ARL15: variants seen among roughly 807,000 people sequenced by gnomAD.
The protein encoded by ARL15 is ARF like GTPase 15, also known as ADP-ribosylation factor-like protein 15.
ARL15 carries 19 observed loss-of-function variants against 25.2 expected under a neutral mutation model. The ratio of observed to expected loss-of-function variants is 0.75; its 90% CI spans 0.53 to 1.10. ARL15 has a LOEUF of 1.10. Ranked by LOEUF, ARL15 falls within the 50% of genes least tolerant of loss-of-function variation. The probability of loss-of-function intolerance (pLI) is 0.00; values close to 1 mark genes in which losing one functional copy is unlikely to be tolerated. For missense variants in ARL15, 220 were observed against 246.0 expected, an observed-to-expected ratio of 0.89 and a Z score of 0.71; for synonymous variants, 94 against 86.8, an observed-to-expected ratio of 1.08 and a Z score of -0.46.
chr5:54,296,229 G>T (rs1001424042), intron 1 of ARL15, among the ~76,000 whole-genome samples: 8 of 152,166 alleles, frequency 5.3e-5, no homozygotes, highest in Admixed American at 4.6e-4. Flanking sequence ...AAAATGAATC[G>T]AAATGGAGCA....
intron 4 of ARL15, among the ~76,000 whole-genome samples, chr5:54,021,350 A>T (rs1749595126): frequency 6.6e-6 from 1 of 152,218 alleles, no homozygotes; most frequent in African/African-American, 2.4e-5. Context: ...AACATAAACA[A>T]AAACAAAAAA....
chr5:54,308,758 T>C (rs1758822711), intron 1 of ARL15, among the ~76,000 whole-genome samples: 1 of 152,238 alleles, frequency 6.6e-6, no homozygotes. Flanking sequence ...TTTTGATAGG[T>C]TTGGCACCTC....
intron 1 of ARL15, among the ~76,000 whole-genome samples, chr5:54,215,606 CTAAG>C (rs1394415889): frequency 8.5e-6 from 1 of 117,264 alleles, no homozygotes; most frequent in Non-Finnish European, 1.8e-5. Flanking sequence ...GCGACTCAAG[CTAAG>C]TGCGCGAAGG....
chr5:54,050,791 C>A (rs1238426169), intron 4 of ARL15, among the ~76,000 whole-genome samples: 1 of 152,174 alleles, frequency 6.6e-6, no homozygotes, highest in African/African-American at 2.4e-5. Context: ...CTGTTCCCTT[C>A]TCTCTATTCC....
intron 4 of ARL15, among the ~76,000 whole-genome samples, chr5:53,923,285 C>T (rs1745913835): frequency 6.6e-6 from 1 of 152,182 alleles, no homozygotes; most frequent in African/African-American, 2.4e-5. Context: ...CAACTTGAAA[C>T]ACAAGTTTGT....
chr5:54,085,892 C>T (rs1174721236), intron 4 of ARL15, among the ~76,000 whole-genome samples: 1 of 151,164 alleles, frequency 6.6e-6, no homozygotes, highest in Non-Finnish European at 1.5e-5. Context: ...CCTAAGCGTC[C>T]CATGGCTCCA....
intron 1 of ARL15, among the ~76,000 whole-genome samples, chr5:54,196,713 C>T (rs1755560676): frequency 6.6e-6 from 1 of 151,958 alleles, no homozygotes; most frequent in Non-Finnish European, 1.5e-5. Flanking sequence ...AGTGCTCTTT[C>T]TTCATTATTC....
intron 4 of ARL15, among the ~76,000 whole-genome samples, chr5:54,004,337 A>G (rs1419499225): frequency 6.6e-6 from 1 of 152,068 alleles, no homozygotes. Flanking sequence ...TATTAAAAAT[A>G]CAAAAATTAG....
chr5:54,256,193 G>T (rs1561285083), intron 1 of ARL15, among the ~76,000 whole-genome samples: 2 of 151,720 alleles, frequency 1.3e-5, no homozygotes, highest in Admixed American at 6.6e-5. Context: ...AAGAGAGAAG[G>T]TTCAAATTAG....
At chr5:53,978,622 C>CAAAAAAAAAAAAAAAAA (rs147288475) in intron 4 of ARL15, among the ~76,000 whole-genome samples, 8 of 74,540 alleles carry the variant, frequency 1.1e-4, no homozygotes, top group South Asian at 5.2e-4. Flanking sequence ...CCTGTCTCTA[C>CAAAAAAAAAAAAAAAAA]AAAAAAAAAA....
intron 4 of ARL15, among the ~76,000 whole-genome samples, chr5:53,919,893 T>G (rs1260501519): frequency 6.6e-6 from 1 of 152,192 alleles, no homozygotes; most frequent in Non-Finnish European, 1.5e-5. Flanking sequence ...TCTAATCAAG[T>G]AATCTTGAAC....
chr5:53,886,342 G>A lies in ARL15; in HGVS notation c.*219C>T, dbSNP rs1744524603. Reference sequence around the variant, plus strand: ...GGGAAGATAATTAGTGGTAAACAGAGAATAAATTCTCTCTCAGTAGTGTGT... The same window carrying A: ...GGGAAGATAATTAGTGGTAAACAGAAAATAAATTCTCTCTCAGTAGTGTGT... On this transcript the variant is annotated 3_prime_UTR_variant, in exon 5 of 5. Transcript: ENST00000504924. 6.0e-6 allele frequency: 3 copies of A among 498,624 alleles called. No homozygotes were observed. The East Asian group carries it at 1.0e-4, about 17-fold the overall frequency. 30.9% of individuals were successfully genotyped at this position (498,624 alleles called of 1,614,324 possible).
At chr5:53,906,962 C>T (rs1242948001) in intron 4 of ARL15, among the ~76,000 whole-genome samples, 2 of 152,160 alleles carry the variant, frequency 1.3e-5, no homozygotes, top group East Asian at 1.9e-4. Context: ...CCATGTGGCT[C>T]CAGAAATGTG....
intron 4 of ARL15, among the ~76,000 whole-genome samples, chr5:54,094,471 A>G (rs1752224183): frequency 6.6e-6 from 1 of 152,144 alleles, no homozygotes; most frequent in Admixed American, 6.6e-5. Context: ...CAAAGGTAAA[A>G]TAACAGCAAC....
chr5:54,198,422 T>G (rs1448199218), intron 1 of ARL15, among the ~76,000 whole-genome samples: 6 of 151,912 alleles, frequency 3.9e-5, no homozygotes, highest in South Asian at 2.1e-4. Flanking sequence ...AAAATCTCCT[T>G]AAGCTGATAA....
intron 4 of ARL15, among the ~76,000 whole-genome samples, chr5:54,040,245 G>A (rs1302841418): frequency 6.6e-6 from 1 of 152,122 alleles, no homozygotes; most frequent in Non-Finnish European, 1.5e-5. Flanking sequence ...TGTTTTAAAA[G>A]TGGTCAAGGG....
At chr5:53,921,399 T>A (rs1745857816) in intron 4 of ARL15, among the ~76,000 whole-genome samples, 1 of 152,234 alleles carries the variant, frequency 6.6e-6, no homozygotes, top group Admixed American at 6.5e-5. Context: ...CTTTTAACCT[T>A]GAACTTATGT....
intron 4 of ARL15, among the ~76,000 whole-genome samples, chr5:53,900,435 C>T (rs556843926): frequency 1.3e-5 from 2 of 152,196 alleles, no homozygotes; most frequent in East Asian, 3.9e-4. Context: ...GCAGATGAAG[C>T]ATCTCCACAA....
chr5:54,235,495 CT>C (rs35079877), intron 1 of ARL15, among the ~76,000 whole-genome samples: 120 of 145,586 alleles, frequency 8.2e-4, no homozygotes, highest in Admixed American at 1.2e-3. Flanking sequence ...ATAGTTAAAC[CT>C]TTTTTTTTTT....
Sources: gnomAD v4.1 joint callset for allele counts (sites outside exome capture counted in the v4.1 genomes callset) on GRCh38, gnomAD v4.1.1 for gene constraint, MANE v1.5 for transcripts, NCBI Gene and HGNC (gene_info 2026-07-23, HGNC 2026-07-21) for gene names.